ASCC2: variants seen among roughly 807,000 people sequenced by gnomAD.
The protein encoded by ASCC2 is activating signal cointegrator 1 complex subunit 2, also known as ASC-1 complex subunit P100.
In ASCC2, 42 loss-of-function variants were observed where a neutral mutation model predicts 93.5. The ratio of observed to expected loss-of-function variants is 0.45; its 90% confidence interval spans 0.35 to 0.58. The LOEUF (loss-of-function observed/expected upper bound fraction) is 0.58, where lower values mean the gene tolerates loss of function less well. Ranked by LOEUF, ASCC2 falls within the 20% of genes least tolerant of loss-of-function variation. The probability of loss-of-function intolerance (pLI) is 0.00; values close to 1 mark genes in which losing one functional copy is unlikely to be tolerated. For synonymous variants in ASCC2, 364 were observed against 384.2 expected (o/e 0.95, Z 0.62); for missense variants, 859 against 977.6 (o/e 0.88, Z 1.62).
At chr22:29,792,392 A>G in intron 18 of ASCC2, 41 bp downstream of exon 18, 2 of 1,610,902 alleles carry the variant, frequency 1.2e-6, no homozygotes, top group Non-Finnish European at 1.7e-6. Context: ...ACCCCTCAGA[A>G]CTGCACTCTC....
intron 5 of ASCC2, chr22:29,822,078 GA>G (rs200334937): frequency 4.5e-5 from 19 of 419,018 alleles, no homozygotes; most frequent in South Asian, 2.2e-4. Flanking sequence ...TGATTCTCCT[GA>G]AAAAAAACAA....
chr22:29,806,195 TG>T lies in ASCC2; in HGVS notation c.1160+20del. On this transcript the variant is annotated intron_variant, in intron 12 of 19. Transcript: ENST00000307790. ...CTAGTCAAGCTGGGCCCTGTCGTAGTGGGCTATGGTAGAAGGATACAAGACT... is the reference window on the plus strand; with the variant it reads ...CTAGTCAAGCTGGGCCCTGTCGTAGTGGCTATGGTAGAAGGATACAAGACT... The T allele has an allele frequency of 6.2e-7, 1 of 1,612,632 alleles. No individual in the cohort carries two copies. The highest frequency in any genetic ancestry group is 1.1e-5 in the South Asian group (1 of 91,070).
chr22:29,814,532 A>AG lies in ASCC2; in HGVS notation c.720+124dup. Reference sequence around the variant, plus strand: ...AATAGTTGCTCACTGTGCTGGAGGAAGGGGCCCTGGGCAGGGAAGAGGCCA... The same window carrying AG: ...AATAGTTGCTCACTGTGCTGGAGGAAGGGGGCCCTGGGCAGGGAAGAGGCCA... On this transcript the variant is annotated intron_variant, in intron 7 of 19. Transcript: ENST00000307790. The AG allele has an allele frequency of 3.0e-6, 2 of 660,714 alleles. 1 individual carries two copies. Among genetic ancestry groups the AG allele is most frequent in the South Asian group, 4.6e-5 (2 of 43,548 alleles). The allele number at this position is 660,714 out of a possible 1,614,324, so 40.9% of individuals were successfully genotyped here. A position where few individuals can be genotyped will look rare whatever the true frequency, so the allele number is the denominator to read the frequency against.
In ASCC2 at chr22:29,804,749, A is replaced by G; in HGVS notation, c.1242T>C (p.Ala414=). Residue 414 remains alanine (A), a synonymous_variant, in exon 13 of 20, where the codon GCT becomes GCC. Transcript: ENST00000307790. The part of the protein sequence containing the change: ...EGVDRRKATD[A]KDPSVIEEPN... ...GCTCCTCAATCACCGATGGGTCTTT[A>G]GCATCTGTGGCTTTCCGTCTGTCCA... is the stretch of plus-strand genomic sequence containing the variant. 3 of 1,613,964 alleles carry G rather than the reference A, an allele frequency of 1.9e-6. No homozygotes were observed. Among genetic ancestry groups the G allele is most frequent in the Non-Finnish European group, 2.5e-6 (3 of 1,179,988 alleles).
intron 5 of ASCC2, among the ~76,000 whole-genome samples, chr22:29,820,642 GA>G (rs200587067): frequency 8.3e-4 from 124 of 149,148 alleles, no homozygotes; most frequent in East Asian, 3.8e-3. Flanking sequence ...TTACCATTAA[GA>G]AAAAAAAAGG....
At position 29,806,834 on chromosome 22, in the gene ASCC2, G is replaced by C. The variant is rs776281468; in HGVS notation, c.979C>G (p.Leu327Val). 1.2e-6 allele frequency: 2 copies of C among 1,614,016 alleles called. No homozygotes were observed. Among genetic ancestry groups the C allele is most frequent in the Non-Finnish European group, 1.7e-6 (2 of 1,179,884 alleles). ...ATGGGAAGGAGGCAGATCTGGTTCA[G>C]GATGATGTGGAAAATCTCCATTAGC... ...KKLMEIFHII[L>V]NQICLLPILE... The change falls in exon 10 of 20, where the codon CTG (leucine) becomes GTG (valine). Residue 327 changes from leucine (L) to valine (V), a missense_variant. By Grantham distance (32) the Leu-to-Val change is conservative. Coordinates refer to ENST00000307790, the MANE Select transcript of ASCC2 (RefSeq NM_032204.5).
intron 18 of ASCC2, among the ~76,000 whole-genome samples, chr22:29,791,084 G>GA (rs1323611713): frequency 5.3e-5 from 8 of 150,478 alleles, no homozygotes; most frequent in South Asian, 2.1e-4. Context: ...CTTTAAAAAG[G>GA]AAAAAAAAAG....
intron 4 of ASCC2, among the ~76,000 whole-genome samples, chr22:29,822,703 T>A (rs1401060599): frequency 1.3e-5 from 2 of 149,122 alleles, no homozygotes; most frequent in Admixed American, 6.7e-5. Context: ...TACAACTGGC[T>A]GTATTATCAT....
chr22:29,803,997 G>A (rs532677822), intron 13 of ASCC2, among the ~76,000 whole-genome samples: 2 of 152,358 alleles, frequency 1.3e-5, no homozygotes, highest in Admixed American at 6.5e-5. Flanking sequence ...AAGGTTCAAC[G>A]TGAGTGACGT....
intron 1 of ASCC2, among the ~76,000 whole-genome samples, chr22:29,835,256 G>A (rs1210599288): frequency 6.6e-6 from 1 of 152,074 alleles, no homozygotes; most frequent in African/African-American, 2.4e-5. Flanking sequence ...AAATTAGTCA[G>A]GTGTGGTGGT....
chr22:29,793,815 G>T, intron 15 of ASCC2, 139 bp from the exon 16 acceptor site: 1 of 789,944 alleles, frequency 1.3e-6, no homozygotes, highest in East Asian at 2.8e-5. Flanking sequence ...AAGCATTGGT[G>T]AGGGCGTGGG....
At chr22:29,803,613 G>C (rs1228514989) in intron 13 of ASCC2, among the ~76,000 whole-genome samples, 3 of 152,196 alleles carry the variant, frequency 2.0e-5, no homozygotes, top group Non-Finnish European at 4.4e-5. Context: ...ACCAGAGCTG[G>C]ACTGTGTGGA....
At chr22:29,807,451 C>G (rs1400955974) in intron 9 of ASCC2, among the ~76,000 whole-genome samples, 1 of 151,962 alleles carries the variant, frequency 6.6e-6, no homozygotes, top group Non-Finnish European at 1.5e-5. Flanking sequence ...AACCAGCAGG[C>G]TGAGTACCAA....
At chr22:29,803,807 A>G (rs914097546) in intron 13 of ASCC2, among the ~76,000 whole-genome samples, 3 of 152,304 alleles carry the variant, frequency 2.0e-5, no homozygotes, top group Non-Finnish European at 2.9e-5. Flanking sequence ...GAAGGAGGCC[A>G]TTGTTCTCCA....
At chr22:29,806,985 C>T in intron 9 of ASCC2, 81 bp from the exon 10 acceptor site, 1 of 1,076,052 alleles carries the variant, frequency 9.3e-7, no homozygotes, top group East Asian at 2.5e-5. Flanking sequence ...ACACCTGAAA[C>T]CCTAGCATCT....
intron 2 of ASCC2, among the ~76,000 whole-genome samples, chr22:29,830,452 C>T (rs1032100266): frequency 2.0e-5 from 3 of 152,168 alleles, no homozygotes; most frequent in African/African-American, 7.2e-5. Flanking sequence ...TAAGGTTGTC[C>T]TACCAGGTCC....
At chr22:29,837,776 A>C (rs997301305) in intron 1 of ASCC2, among the ~76,000 whole-genome samples, 9 of 152,138 alleles carry the variant, frequency 5.9e-5, no homozygotes, top group African/African-American at 2.2e-4. Flanking sequence ...CTTGTCGTTG[A>C]CCATCTCCTC....
At chr22:29,837,448 A>T (rs1206480282) in intron 1 of ASCC2, among the ~76,000 whole-genome samples, 1 of 152,134 alleles carries the variant, frequency 6.6e-6, no homozygotes, top group East Asian at 1.9e-4. Context: ...GAAAAAATAA[A>T]TTAACTGGAC....
At chr22:29,817,473 C>T (rs1389644983) in intron 5 of ASCC2, among the ~76,000 whole-genome samples, 2 of 152,122 alleles carry the variant, frequency 1.3e-5, no homozygotes, top group East Asian at 1.9e-4. Context: ...TCCCTGTCCC[C>T]GCCTTCTGTT....
Sources: gnomAD v4.1 joint callset for allele counts (sites outside exome capture counted in the v4.1 genomes callset) on GRCh38, gnomAD v4.1.1 for gene constraint, MANE v1.5 for transcripts, NCBI Gene and HGNC (gene_info 2026-07-23, HGNC 2026-07-21) for gene names.